The following OPCML variants were observed in gnomAD, a reference collection of about 807,000 sequenced individuals.
The protein encoded by OPCML is opioid binding protein/cell adhesion molecule like.
In OPCML, 13 loss-of-function variants were observed where a neutral mutation model predicts 37.8. The observed-to-expected ratio is 0.34, with a 90% CI of 0.22 to 0.55. OPCML has a LOEUF of 0.55. OPCML is among the 20% of genes least tolerant of loss of function. The pLI is 0.91. For missense variants in OPCML, 341 were observed against 435.6 expected, an observed-to-expected ratio of 0.78 and a Z score of 1.93; for synonymous variants, 176 against 168.8, an observed-to-expected ratio of 1.04 and a Z score of -0.33.
intron 1 of OPCML, among the ~76,000 whole-genome samples, chr11:133,343,702 G>T (rs1245812723): frequency 6.6e-6 from 1 of 152,086 alleles, no homozygotes; most frequent in East Asian, 1.9e-4. Flanking sequence ...CACTGTAATG[G>T]ATTTAATACC....
intron 3 of OPCML, among the ~76,000 whole-genome samples, chr11:132,641,863 G>T (rs1412880652): frequency 6.6e-6 from 1 of 152,154 alleles, no homozygotes; most frequent in Non-Finnish European, 1.5e-5. Context: ...TTAGTTGTTG[G>T]TGCTTTGGAT....
intron 4 of OPCML, among the ~76,000 whole-genome samples, chr11:132,485,742 T>C (rs911540633): frequency 1.3e-5 from 2 of 152,260 alleles, no homozygotes; most frequent in Non-Finnish European, 2.9e-5. Flanking sequence ...TATTTTCTTT[T>C]TATTGCTGAG....
intron 1 of OPCML, among the ~76,000 whole-genome samples, chr11:133,028,040 G>A (rs1947597018): frequency 6.6e-6 from 1 of 151,882 alleles, no homozygotes; most frequent in Non-Finnish European, 1.5e-5. Context: ...TCTCTTTCAG[G>A]TATAAAAGTA....
chr11:132,434,212 G>A (rs922542811), intron 7 of OPCML, among the ~76,000 whole-genome samples: 3 of 152,128 alleles, frequency 2.0e-5, no homozygotes, highest in Non-Finnish European at 4.4e-5. Flanking sequence ...ACTGGGATGC[G>A]GGCAGCACTA....
chr11:133,249,625 T>A (rs1005000702), intron 1 of OPCML, among the ~76,000 whole-genome samples: 9 of 152,060 alleles, frequency 5.9e-5, no homozygotes, highest in Non-Finnish European at 1.2e-4. Flanking sequence ...AGAAAGCTGG[T>A]GATGCCACTA....
intron 2 of OPCML, among the ~76,000 whole-genome samples, chr11:132,686,885 G>A (rs1197540503): frequency 1.3e-5 from 2 of 152,118 alleles, no homozygotes; most frequent in Admixed American, 1.3e-4. Context: ...GGATATCAAA[G>A]AGAAAAGGCC....
chr11:132,544,508 T>C (rs1291760198), intron 3 of OPCML, among the ~76,000 whole-genome samples: 1 of 152,202 alleles, frequency 6.6e-6, no homozygotes, highest in Non-Finnish European at 1.5e-5. Flanking sequence ...GGCAAATCTT[T>C]TTGGAAAGCA....
intron 1 of OPCML, among the ~76,000 whole-genome samples, chr11:133,384,263 A>AAG (rs1944995731): frequency 7.7e-5 from 3 of 38,782 alleles, no homozygotes; most frequent in African/African-American, 2.5e-4. Flanking sequence ...AAAAAAAAAA[A>AAG]AAGAAAAGAA....
chr11:132,428,057 C>G (rs1003042182), intron 7 of OPCML, among the ~76,000 whole-genome samples: 41 of 152,154 alleles, frequency 2.7e-4, no homozygotes, highest in Non-Finnish European at 5.9e-5. Context: ...ATATGTGCAG[C>G]TTTTGATGTC....
At chr11:132,709,568 T>C (rs1944175953) in intron 2 of OPCML, among the ~76,000 whole-genome samples, 1 of 152,188 alleles carries the variant, frequency 6.6e-6, no homozygotes, top group African/African-American at 2.4e-5. Context: ...CCTTCATGAC[T>C]TTGACTTTGA....
At chr11:133,076,739 G>A (rs548444344) in intron 1 of OPCML, among the ~76,000 whole-genome samples, 9 of 151,884 alleles carry the variant, frequency 5.9e-5, no homozygotes, top group African/African-American at 1.2e-4. Flanking sequence ...ATGAAGATGC[G>A]GAAGCTCAGA....
intron 1 of OPCML, among the ~76,000 whole-genome samples, chr11:133,237,418 C>A (rs926256066): frequency 2.0e-5 from 3 of 152,142 alleles, no homozygotes; most frequent in Non-Finnish European, 4.4e-5. Flanking sequence ...CGGTTAAGTG[C>A]AGTGAGGTAT....
At chr11:132,459,410 C>CACATACAT (rs71477764) in intron 4 of OPCML, among the ~76,000 whole-genome samples, 5 of 144,352 alleles carry the variant, frequency 3.5e-5, no homozygotes, top group South Asian at 2.2e-4. Context: ...TCTCTCTTCA[C>CACATACAT]ACATACATAC....
chr11:133,007,080 T>C, intron 1 of OPCML: 1 of 985,454 alleles, frequency 1.0e-6, no homozygotes, highest in Non-Finnish European at 1.2e-6. Context: ...AGACCAGATG[T>C]CAAACCAGTT....
intron 1 of OPCML, among the ~76,000 whole-genome samples, chr11:133,465,291 TTACCTTGTGCA>T (rs888934371): frequency 7.2e-5 from 11 of 152,286 alleles, no homozygotes; most frequent in Non-Finnish European, 1.5e-4. Context: ...ACCCTCCTCC[TTACCTTGTGCA>T]TACCCAAGCG....
intron 2 of OPCML, among the ~76,000 whole-genome samples, chr11:132,714,996 T>G (rs1944414545): frequency 6.6e-6 from 1 of 152,112 alleles, no homozygotes; most frequent in South Asian, 2.1e-4. Flanking sequence ...CAATCCCTGC[T>G]CCAATCCTAG....
intron 1 of OPCML, among the ~76,000 whole-genome samples, chr11:133,056,503 T>A (rs939588636): frequency 6.6e-6 from 1 of 152,232 alleles, no homozygotes; most frequent in Non-Finnish European, 1.5e-5. Context: ...CACATTTAAA[T>A]CTACTGTAAA....
chr11:133,530,570 G>C (rs1049838064), intron 1 of OPCML, among the ~76,000 whole-genome samples: 2 of 152,184 alleles, frequency 1.3e-5, no homozygotes, highest in Admixed American at 1.3e-4. Flanking sequence ...CCTCTACCAG[G>C]CTCAGGCAGG....
chr11:132,729,935 C>A (rs1591527877), intron 2 of OPCML, among the ~76,000 whole-genome samples: 1 of 151,050 alleles, frequency 6.6e-6, no homozygotes, highest in East Asian at 1.9e-4. Flanking sequence ...TGAGTCATCA[C>A]CACAAAGACA....
Sources: allele counts gnomAD v4.1 joint callset (sites outside exome capture counted in the v4.1 genomes callset), GRCh38; gene constraint gnomAD v4.1.1; transcripts MANE v1.5; gene names NCBI Gene and HGNC (gene_info 2026-07-23, HGNC 2026-07-21).